The following ZNF536 variants were observed in gnomAD, a reference collection of about 807,000 sequenced individuals.
The protein encoded by ZNF536 is zinc finger protein 536.
In ZNF536, 13 loss-of-function variants were observed where a neutral mutation model predicts 84.5. That is an observed-to-expected ratio of 0.15 (90% CI 0.10 to 0.24). The LOEUF is 0.24. Ranked by LOEUF, ZNF536 falls within the 10% of genes least tolerant of loss-of-function variation. The pLI is 1.00. For missense variants in ZNF536, 1,536 were observed against 1,747.5 expected, an observed-to-expected ratio of 0.88 and a Z score of 2.16; for synonymous variants, 811 against 742.5, an observed-to-expected ratio of 1.09 and a Z score of -1.50.
intron 2 of ZNF536, among the ~76,000 whole-genome samples, chr19:30,474,981 T>G (rs557349366): frequency 6.6e-6 from 1 of 151,066 alleles, no homozygotes; most frequent in Non-Finnish European, 1.5e-5. Flanking sequence ...CCTTTCTTCC[T>G]TTTCTTCACT....
intron 1 of ZNF536, among the ~76,000 whole-genome samples, chr19:30,442,449 TA>T (rs2052096894): frequency 6.6e-6 from 1 of 152,372 alleles, no homozygotes; most frequent in Admixed American, 6.5e-5. Flanking sequence ...GGAAAGTTAT[TA>T]AAAACACTCA....
At chr19:30,378,936 C>G (rs2048916073) in intron 1 of ZNF536, among the ~76,000 whole-genome samples, 1 of 152,130 alleles carries the variant, frequency 6.6e-6, no homozygotes, top group African/African-American at 2.4e-5. Context: ...TTGTCTCTCC[C>G]AAAGGATGTT....
chr19:30,585,484 G>C (rs1371613685), intron 1 of ZNF536, among the ~76,000 whole-genome samples: 1 of 152,186 alleles, frequency 6.6e-6, no homozygotes, highest in Non-Finnish European at 1.5e-5. Flanking sequence ...AGACCCTAGA[G>C]CCATGACTGT....
chr19:30,277,569 C>T (rs766593043), intron 1 of ZNF536, among the ~76,000 whole-genome samples: 7 of 152,344 alleles, frequency 4.6e-5, no homozygotes, highest in Non-Finnish European at 1.0e-4. Flanking sequence ...TATAATATTT[C>T]AGCCGTGTCG....
intron 2 of ZNF536, among the ~76,000 whole-genome samples, chr19:30,297,909 C>G (rs1046910481): frequency 6.8e-6 from 1 of 147,438 alleles, no homozygotes; most frequent in Non-Finnish European, 1.5e-5. Context: ...GGAGTCCCCC[C>G]CCCCTCTGTC....
intron 1 of ZNF536, among the ~76,000 whole-genome samples, chr19:30,696,877 G>A (rs1012291624): frequency 6.6e-6 from 1 of 152,170 alleles, no homozygotes; most frequent in Non-Finnish European, 1.5e-5. Context: ...CAAGCTGCAG[G>A]GAGACAGCAA....
chr19:30,414,491 T>A (rs1049594177), intron 1 of ZNF536, among the ~76,000 whole-genome samples: 4 of 152,240 alleles, frequency 2.6e-5, no homozygotes, highest in African/African-American at 9.6e-5. Flanking sequence ...TTTTCTTTTC[T>A]GATTTAAAAG....
intron 2 of ZNF536, among the ~76,000 whole-genome samples, chr19:30,463,800 G>A (rs1001047931): frequency 1.3e-5 from 2 of 152,136 alleles, no homozygotes; most frequent in African/African-American, 4.8e-5. Flanking sequence ...GTTACCAGGT[G>A]CATGAGGGAG....
chr19:30,695,349 G>T (rs2051612366), intron 1 of ZNF536, among the ~76,000 whole-genome samples: 1 of 152,202 alleles, frequency 6.6e-6, no homozygotes, highest in South Asian at 2.1e-4. Context: ...TCCTTATCCA[G>T]TCCCTACTGT....
chr19:30,362,939 G>C (rs2048319343), intron 3 of ZNF536, among the ~76,000 whole-genome samples: 1 of 152,100 alleles, frequency 6.6e-6, no homozygotes, highest in Admixed American at 6.6e-5. Context: ...CGTGCCTGTA[G>C]TCTCAGCTAC....
intron 2 of ZNF536, among the ~76,000 whole-genome samples, chr19:30,480,269 C>T (rs2054019877): frequency 1.3e-5 from 2 of 152,154 alleles, no homozygotes; most frequent in Non-Finnish European, 2.9e-5. Flanking sequence ...TCTCTTCCTT[C>T]CCCGGGACCT....
chr19:30,528,515 A>G (rs2044680288), intron 2 of ZNF536, among the ~76,000 whole-genome samples: 1 of 152,098 alleles, frequency 6.6e-6, no homozygotes, highest in Non-Finnish European at 1.5e-5. Flanking sequence ...ACCTTTTCCC[A>G]CAATGGCTAC....
chr19:30,573,826 A>G (rs2046636041), intron 1 of ZNF536, among the ~76,000 whole-genome samples: 1 of 152,186 alleles, frequency 6.6e-6, no homozygotes, highest in South Asian at 2.1e-4. Flanking sequence ...TGCCTGCACC[A>G]TGAAGTTTCA....
rs563056583 is a variant in ZNF536 at position 30,228,687 on chromosome 19, G to A, written c.-190+14G>A. ...AGCAAGTGCCAAGTAAGTGCCCTGC[G>A]GTGGCCTCGGCGCGCCCCGGGGTGA... is the stretch of plus-strand genomic sequence containing the variant. On this transcript the variant is annotated intron_variant, in intron 1 of 5. Coordinates refer to the ZNF536 transcript ENST00000585628. This position sits in a 1 kb window ranked among gnomAD's most constrained non-coding sequence, Gnocchi z 4.5. 3 of 151,622 alleles carry A rather than the reference G, an allele frequency of 2.0e-5. No homozygotes were observed. The highest frequency in any genetic ancestry group is 2.0e-4 in the Admixed American group (3 of 15,246). The allele number at this position is 151,622 out of a possible 1,614,324, so 9.4% of individuals were successfully genotyped here. A position where few individuals can be genotyped will look rare whatever the true frequency, so the allele number is the denominator to read the frequency against.
At chr19:30,678,041 G>A (rs900627397) in intron 1 of ZNF536, among the ~76,000 whole-genome samples, 3 of 152,128 alleles carry the variant, frequency 2.0e-5, no homozygotes, top group Admixed American at 6.5e-5. Context: ...TTGAGTGTTC[G>A]GTGACAGTTT....
At chr19:30,365,641 C>A (rs1250361292) in intron 3 of ZNF536, among the ~76,000 whole-genome samples, 1 of 152,196 alleles carries the variant, frequency 6.6e-6, no homozygotes, top group African/African-American at 2.4e-5. Context: ...TGGAGGTAAC[C>A]TTCCCAGGCA....
At chr19:30,636,297 T>G (rs1226106877) in intron 1 of ZNF536, among the ~76,000 whole-genome samples, 2 of 152,132 alleles carry the variant, frequency 1.3e-5, no homozygotes, top group African/African-American at 4.8e-5. Flanking sequence ...ATCTGCTGAT[T>G]CCAGGATGGG....
At chr19:30,655,598 G>T (rs1399842535) in intron 1 of ZNF536, among the ~76,000 whole-genome samples, 1 of 152,214 alleles carries the variant, frequency 6.6e-6, no homozygotes, top group African/African-American at 2.4e-5. Flanking sequence ...GGAAGGGAAT[G>T]AGGTTGGGGA....
chr19:30,277,937 A>G (rs8099923), intron 1 of ZNF536, among the ~76,000 whole-genome samples: 47,068 of 152,086 alleles, frequency 0.31, 7,372 homozygotes, highest in Middle Eastern at 0.35. Flanking sequence ...CATGACCCTG[A>G]CAGCAAGAAC....
Sources: allele counts gnomAD v4.1 joint callset (sites outside exome capture counted in the v4.1 genomes callset), GRCh38; gene constraint gnomAD v4.1.1; non-coding constraint Gnocchi (gnomAD v3.1); transcripts MANE v1.5; gene names NCBI Gene and HGNC (gene_info 2026-07-23, HGNC 2026-07-21).